RAB30: variants seen among roughly 807,000 people sequenced by gnomAD.
RAB30 encodes ras-related protein Rab-30.
A neutral mutation model predicts 25.1 loss-of-function variants in RAB30; 9 were observed. The ratio of observed to expected loss-of-function variants is 0.36; its 90% CI spans 0.22 to 0.63. The LOEUF (loss-of-function observed/expected upper bound fraction) is 0.63, where lower values mean the gene tolerates loss of function less well. RAB30 is among the 20% of genes least tolerant of loss of function. The pLI, the probability that RAB30 is intolerant of heterozygous loss-of-function variation, is 0.69. For missense variants in RAB30, 140 were observed against 243.5 expected (o/e 0.58, Z 2.83); for synonymous variants, 77 against 86.4 (o/e 0.89, Z 0.60).
chr11:83,046,497 C>CT (rs200842827), intron 1 of RAB30, among the ~76,000 whole-genome samples: 48 of 146,160 alleles, frequency 3.3e-4, no homozygotes, highest in Admixed American at 4.1e-4. Flanking sequence ...ATAATTTTTA[C>CT]TTTTTTTTTT....
At chr11:83,023,749 C>A (rs1857641056) in intron 1 of RAB30, among the ~76,000 whole-genome samples, 1 of 152,112 alleles carries the variant, frequency 6.6e-6, no homozygotes, top group Non-Finnish European at 1.5e-5. Context: ...TCAATTTTGC[C>A]AGCCTCAATT....
At chr11:83,040,592 CAAAAAAA>C (rs35973192) in intron 1 of RAB30, among the ~76,000 whole-genome samples, 3 of 121,130 alleles carry the variant, frequency 2.5e-5, no homozygotes, top group South Asian at 2.7e-4. Context: ...AACTCTGTCT[CAAAAAAA>C]AAAAAAAAAA....
chr11:83,040,108 G>T (rs1350614319), intron 1 of RAB30, among the ~76,000 whole-genome samples: 1 of 152,182 alleles, frequency 6.6e-6, no homozygotes, highest in Non-Finnish European at 1.5e-5. Context: ...AAAGAAACAG[G>T]AGGACCAGAC....
At chr11:82,993,683 G>A (rs182220157) in intron 3 of RAB30, among the ~76,000 whole-genome samples, 26 of 152,286 alleles carry the variant, frequency 1.7e-4, no homozygotes, top group African/African-American at 6.0e-4. Context: ...TGTAGAAATC[G>A]GGAGGCTCTT....
At chr11:83,014,701 G>GAGA (rs1857394974) in intron 1 of RAB30, among the ~76,000 whole-genome samples, 1 of 134,926 alleles carries the variant, frequency 7.4e-6, no homozygotes, top group African/African-American at 2.7e-5. Context: ...AAAGAGAAAG[G>GAGA]AAGGAAGGAA....
chr11:83,016,242 G>C (rs557562236), intron 1 of RAB30, among the ~76,000 whole-genome samples: 9 of 152,198 alleles, frequency 5.9e-5, no homozygotes. Context: ...GATGAAATGA[G>C]AGAAAGAGAT....
At chr11:83,049,889 G>T (rs1858318803) in intron 1 of RAB30, among the ~76,000 whole-genome samples, 1 of 152,068 alleles carries the variant, frequency 6.6e-6, no homozygotes, top group Non-Finnish European at 1.5e-5. Flanking sequence ...AATAAGAATG[G>T]TACAACTATT....
At chr11:83,000,122 A>G (rs1857045754) in intron 1 of RAB30, among the ~76,000 whole-genome samples, 1 of 152,180 alleles carries the variant, frequency 6.6e-6, no homozygotes, top group South Asian at 2.1e-4. Flanking sequence ...GGGGCTGCTG[A>G]GACACAAGAG....
chr11:83,031,931 A>C (rs574107692), intron 1 of RAB30, among the ~76,000 whole-genome samples: 98 of 152,292 alleles, frequency 6.4e-4, no homozygotes, highest in African/African-American at 2.3e-3. Flanking sequence ...GCACCTGCTC[A>C]TCTCCACACT....
intron 1 of RAB30, among the ~76,000 whole-genome samples, chr11:83,061,865 T>G (rs1037501126): frequency 6.6e-6 from 1 of 151,938 alleles, no homozygotes; most frequent in Non-Finnish European, 1.5e-5. Context: ...TTTTTGCAAT[T>G]GCTCTAAAGG....
chr11:82,993,656 A>C (rs1415772582), intron 3 of RAB30, among the ~76,000 whole-genome samples: 1 of 152,218 alleles, frequency 6.6e-6, no homozygotes, highest in Non-Finnish European at 1.5e-5. Context: ...AATTTAAATA[A>C]GTGATTCATA....
intron 1 of RAB30, among the ~76,000 whole-genome samples, chr11:83,059,219 G>A (rs556749687): frequency 4.6e-5 from 7 of 152,304 alleles, no homozygotes; most frequent in Middle Eastern, 3.4e-3. Flanking sequence ...TGGGATTACA[G>A]GTGTGAGCCA....
intron 1 of RAB30, among the ~76,000 whole-genome samples, chr11:83,017,664 A>G (rs1305752024): frequency 1.3e-5 from 2 of 152,218 alleles, no homozygotes; most frequent in Non-Finnish European, 2.9e-5. Flanking sequence ...TTCACTTAGA[A>G]TAATGATCTC....
intron 1 of RAB30, among the ~76,000 whole-genome samples, chr11:83,010,231 G>A (rs933022362): frequency 2.0e-5 from 3 of 152,162 alleles, no homozygotes; most frequent in Admixed American, 1.3e-4. Context: ...AGGAAGGATC[G>A]CTTGAGGCCA....
chr11:83,052,236 C>T (rs917664492), intron 1 of RAB30, among the ~76,000 whole-genome samples: 4 of 152,294 alleles, frequency 2.6e-5, no homozygotes, highest in Admixed American at 2.0e-4. Flanking sequence ...TATTGAGTTA[C>T]GTGACTCAGA....
chr11:83,014,634 A>AAAAGAAAGAAAGAAAGAAAGAAAG (rs58927757), intron 1 of RAB30, among the ~76,000 whole-genome samples: 45 of 112,706 alleles, frequency 4.0e-4, no homozygotes, highest in East Asian at 2.3e-3. Flanking sequence ...AGAAGTAAGA[A>AAAAGAAAGAAAGAAAGAAAGAAAG]AAAGAAAGAA....
chr11:82,990,609 A>G (rs2121448914), intron 3 of RAB30, among the ~76,000 whole-genome samples: 1 of 152,330 alleles, frequency 6.6e-6, no homozygotes, highest in South Asian at 2.1e-4. Flanking sequence ...ATCTATCAAC[A>G]TAGATCTGAC....
intron 1 of RAB30, among the ~76,000 whole-genome samples, chr11:83,013,251 T>A (rs992949154): frequency 3.9e-5 from 6 of 152,066 alleles, no homozygotes; most frequent in Non-Finnish European, 7.4e-5. Flanking sequence ...GCCTGGCTAA[T>A]TTTTGTATTT....
chr11:83,009,361 C>T (rs763166173), intron 1 of RAB30, among the ~76,000 whole-genome samples: 5 of 152,096 alleles, frequency 3.3e-5, no homozygotes, highest in Non-Finnish European at 7.4e-5. Flanking sequence ...CCACCGCGCC[C>T]GGCCAAAAAC....
Sources: gnomAD v4.1 joint callset for allele counts (sites outside exome capture counted in the v4.1 genomes callset) on GRCh38, gnomAD v4.1.1 for gene constraint, MANE v1.5 for transcripts, NCBI Gene and HGNC (gene_info 2026-07-23, HGNC 2026-07-21) for gene names.